Variants in L3MBTL4 observed in about 807,000 individuals in gnomAD.
L3MBTL4 encodes the protein lethal(3)malignant brain tumor-like protein 4.
In L3MBTL4, 70 loss-of-function variants were observed where a neutral mutation model predicts 84.5. The observed-to-expected ratio is 0.83, with a 90% CI of 0.68 to 1.01. The LOEUF (loss-of-function observed/expected upper bound fraction) is 1.01. L3MBTL4 is among the 50% of genes least tolerant of loss of function. The probability of loss-of-function intolerance (pLI) is 0.00; values close to 1 mark genes in which losing one functional copy is unlikely to be tolerated. For synonymous variants in L3MBTL4, 274 were observed against 259.8 expected, an observed-to-expected ratio of 1.05 and a Z score of -0.52; for missense variants, 715 against 754.8, an observed-to-expected ratio of 0.95 and a Z score of 0.62.
At chr18:6,081,552 A>T (rs1231324834) in intron 15 of L3MBTL4, among the ~76,000 whole-genome samples, 1 of 152,232 alleles carries the variant, frequency 6.6e-6, no homozygotes, top group African/African-American at 2.4e-5. Context: ...GTCAGTAATT[A>T]ATTTTAGGTA....
chr18:6,265,718 G>T, intron 4 of L3MBTL4, among the ~76,000 whole-genome samples: 1 of 152,020 alleles, frequency 6.6e-6, no homozygotes, highest in Non-Finnish European at 1.5e-5. Flanking sequence ...GTTAGGCACA[G>T]AAAAATAAAT....
intron 12 of L3MBTL4, among the ~76,000 whole-genome samples, chr18:6,194,415 T>C (rs2045281776): frequency 6.6e-6 from 1 of 152,188 alleles, no homozygotes; most frequent in African/African-American, 2.4e-5. Flanking sequence ...AATGCCACCA[T>C]CACAGCCGTC....
chr18:6,051,470 C>T (rs796238369), intron 16 of L3MBTL4, among the ~76,000 whole-genome samples: 13 of 151,438 alleles, frequency 8.6e-5, no homozygotes, highest in African/African-American at 2.9e-4. Flanking sequence ...ACTTGCGGGG[C>T]GGAGGTTGCA....
chr18:6,116,076 A>T (rs2059350504), intron 14 of L3MBTL4, among the ~76,000 whole-genome samples: 1 of 152,248 alleles, frequency 6.6e-6, no homozygotes, highest in Non-Finnish European at 1.5e-5. Context: ...AGGCAAGATC[A>T]TAGAAAGCTG....
At chr18:6,243,513 T>C in intron 6 of L3MBTL4, 84 bp from the exon 7 acceptor site, 1 of 1,218,172 alleles carries the variant, frequency 8.2e-7, no homozygotes, top group South Asian at 1.8e-5. Flanking sequence ...TCATATATTT[T>C]GTCAGTACTA....
At chr18:6,064,595 T>TA (rs2057339769) in intron 16 of L3MBTL4, among the ~76,000 whole-genome samples, 1 of 62,432 alleles carries the variant, frequency 1.6e-5, no homozygotes, top group African/African-American at 6.7e-5. Flanking sequence ...AGTATATTCC[T>TA]AGGTTTTTTT....
chr18:6,311,999 T>C lies in L3MBTL4; in HGVS notation c.-33A>G, dbSNP rs1346622546. ...AGCCTGCACAGCTTCTGTACTCACATGGTCTGACACGTATTCTTGGTAAGA... is the reference window on the plus strand; with the variant it reads ...AGCCTGCACAGCTTCTGTACTCACACGGTCTGACACGTATTCTTGGTAAGA... On this transcript the variant is annotated splice_region_variant and 5_prime_UTR_variant, in exon 2 of 19. Coordinates refer to ENST00000317931, the MANE Select transcript of L3MBTL4 (RefSeq NM_001330559.2). 1 of 198,912 alleles carries C rather than the reference T, an allele frequency of 5.0e-6. No individual in the cohort carries two copies. Among genetic ancestry groups the C allele is most frequent in the Non-Finnish European group, 1.0e-5 (1 of 96,744 alleles). 12.3% of individuals were successfully genotyped at this position (198,912 alleles called of 1,614,324 possible). A position where few individuals can be genotyped will look rare whatever the true frequency, so the allele number is the denominator to read the frequency against.
At chr18:6,170,904 C>T (rs1235192537) in intron 13 of L3MBTL4, among the ~76,000 whole-genome samples, 1 of 152,176 alleles carries the variant, frequency 6.6e-6, no homozygotes, top group Admixed American at 6.5e-5. Flanking sequence ...TCATTCTACA[C>T]TCTTAGGGTA....
chr18:6,055,538 C>T (rs1332493066), intron 16 of L3MBTL4, among the ~76,000 whole-genome samples: 1 of 152,188 alleles, frequency 6.6e-6, no homozygotes, highest in South Asian at 2.1e-4. Flanking sequence ...GCAATCTAGA[C>T]AGCTTGGTCA....
intron 12 of L3MBTL4, among the ~76,000 whole-genome samples, chr18:6,187,447 T>C (rs2044830049): frequency 6.6e-6 from 1 of 152,216 alleles, no homozygotes; most frequent in Admixed American, 6.5e-5. Context: ...ACATACTGAT[T>C]ATATTCACCT....
chr18:6,105,977 T>C (rs1029445316), intron 14 of L3MBTL4, among the ~76,000 whole-genome samples: 3 of 152,182 alleles, frequency 2.0e-5, no homozygotes, highest in African/African-American at 7.2e-5. Context: ...AGTGCCATAG[T>C]TTTTACTATA....
chr18:6,285,285 A>G (rs1474208075), intron 4 of L3MBTL4, among the ~76,000 whole-genome samples: 5 of 152,270 alleles, frequency 3.3e-5, no homozygotes, highest in African/African-American at 1.2e-4. Context: ...CTGAACAAAT[A>G]AGCAACTATA....
At chr18:6,313,456 A>C (rs2050934945) in intron 1 of L3MBTL4, among the ~76,000 whole-genome samples, 1 of 152,250 alleles carries the variant, frequency 6.6e-6, no homozygotes, top group Non-Finnish European at 1.5e-5. Flanking sequence ...GCTTCTAGTC[A>C]GATGATATTT....
chr18:6,385,974 T>C (rs2054799775), intron 1 of L3MBTL4, among the ~76,000 whole-genome samples: 1 of 152,186 alleles, frequency 6.6e-6, no homozygotes, highest in Non-Finnish European at 1.5e-5. Context: ...TTCACAAGGA[T>C]GTGACACTCA....
At chr18:6,030,517 G>C (rs62076852) in intron 16 of L3MBTL4, 12 of 851,314 alleles carry the variant, frequency 1.4e-5, no homozygotes, top group African/African-American at 3.9e-5. Context: ...TTTTTTTTTG[G>C]AGAAGGAGTC....
At chr18:6,053,473 T>C (rs986057174) in intron 16 of L3MBTL4, among the ~76,000 whole-genome samples, 1 of 152,182 alleles carries the variant, frequency 6.6e-6, no homozygotes, top group Non-Finnish European at 1.5e-5. Context: ...TAACTGGTAC[T>C]ATCACAAAAG....
chr18:6,126,347 A>T (rs1329369571), intron 14 of L3MBTL4, among the ~76,000 whole-genome samples: 2 of 152,164 alleles, frequency 1.3e-5, no homozygotes, highest in African/African-American at 4.8e-5. Flanking sequence ...TTCTTTGTTT[A>T]TATTTACTCT....
intron 14 of L3MBTL4, among the ~76,000 whole-genome samples, chr18:6,134,529 G>C (rs949332389): frequency 6.6e-6 from 1 of 152,118 alleles, no homozygotes; most frequent in African/African-American, 2.4e-5. Flanking sequence ...AGATACAATG[G>C]GGGTACAGGT....
chr18:6,373,180 C>G (rs1220026865), intron 1 of L3MBTL4, among the ~76,000 whole-genome samples: 1 of 152,126 alleles, frequency 6.6e-6, no homozygotes, highest in East Asian at 1.9e-4. Context: ...TCTGCAGATT[C>G]TGGGAAGCTA....
Sources: gnomAD v4.1 joint callset for allele counts (sites outside exome capture counted in the v4.1 genomes callset) on GRCh38, gnomAD v4.1.1 for gene constraint, MANE v1.5 for transcripts, NCBI Gene and HGNC (gene_info 2026-07-23, HGNC 2026-07-21) for gene names.